MUC6: variants seen among roughly 807,000 people sequenced by gnomAD.
MUC6 encodes mucin-6.
A neutral mutation model predicts 201.5 loss-of-function variants in MUC6; 188 were observed. That is an observed-to-expected ratio of 0.93 (90% CI 0.83 to 1.05). MUC6 has a LOEUF of 1.05. MUC6 is among the 50% of genes least tolerant of loss of function. The pLI is 0.00. For synonymous variants in MUC6, 1,228 were observed against 1,389.4 expected (o/e 0.88, Z 2.58); for missense variants, 2,706 against 3,256.9 (o/e 0.83, Z 4.12).
At chr11:1,015,740 G>A (rs1409381949) in intron 31 of MUC6, 22 bp downstream of exon 31, 2 of 1,523,738 alleles carry the variant, frequency 1.3e-6, no homozygotes, top group East Asian at 2.3e-5. Context: ...GCCAGGAGAA[G>A]GGCCACAGAG....
Position 1,031,675 on chromosome 11 carries a change from C to G in MUC6, c.415G>C (p.Val139Leu). Residue 139 changes from valine (V) to leucine (L), a missense_variant, in exon 4 of 33, where the codon GTG becomes CTG. By Grantham distance (32) the Val-to-Leu change is conservative. This residue lies in a region of MUC6 where 1,850 missense variants were observed against 1,958.3 expected (regional missense o/e 0.94). Transcript: ENST00000421673. ...TCCAGCTGCTTGGCCACCAGCCGCA[C>G]GCTCTGGCCGAAGGGTGTGATCTGG... ...GLQITPFGQS[V>L]RLVAKQLELE... The G allele has an allele frequency of 2.6e-6, 4 of 1,550,890 alleles. No homozygotes were observed. Among genetic ancestry groups the G allele is most frequent in the Non-Finnish European group, 2.6e-6 (3 of 1,147,030 alleles).
At position 1,013,628 on chromosome 11, in the gene MUC6, T is replaced by A. The variant is rs1209499092; in HGVS notation, c.7148A>T (p.Asn2383Ile). ...GGCATCCACCTGCTGGGTGATGATG[T>A]TGAAGCTGCCGAGAAGTCAAGACAG... ...EGACISAASF[N>I]IITQQVDARC... Residue 2383 changes from asparagine to isoleucine, a missense_variant, in exon 33 of 33, where the codon AAC (asparagine) becomes ATC (isoleucine). Transcript: ENST00000421673. The A allele has an allele frequency of 2.6e-5, 41 of 1,560,836 alleles. No homozygotes were observed. The highest frequency in any genetic ancestry group is 3.4e-5 in the Non-Finnish European group (39 of 1,153,726).
At position 1,029,321 on chromosome 11, in the gene MUC6, G is replaced by T. The variant is rs762323701; in HGVS notation, c.1182C>A (p.Pro394=). ...AGCCACCTTCCAGGGAGCAGTGTCC[G>T]GGGCACGGCCGCTCCGTGCACACCC... ...GRWVCTERPC[P]GHCSLEGGSF... is the part of the protein sequence containing the mutation. The change falls in exon 10 of 33, where the codon CCC becomes CCA. Residue 394 remains proline (P), a synonymous_variant. Coordinates refer to ENST00000421673, the MANE Select transcript of MUC6 (RefSeq NM_005961.3). 6.2e-7 allele frequency: 1 copy of T among 1,605,140 alleles called. No homozygotes were observed.
chr11:1,022,551 C>T (rs1280910050), intron 26 of MUC6, among the ~76,000 whole-genome samples: 1 of 152,230 alleles, frequency 6.6e-6, no homozygotes. Flanking sequence ...AAGCCTGTGG[C>T]TCTCCCACCC....
At chr11:1,026,577 C>T in intron 19 of MUC6, 99 bp from the exon 20 acceptor site, 2 of 1,330,238 alleles carry the variant, frequency 1.5e-6, no homozygotes, top group African/African-American at 1.5e-5. Flanking sequence ...TCTCCCAGGT[C>T]CTCTCCCTGA....
chr11:1,018,856 C>T, intron 30 of MUC6, 86 bp from the exon 31 acceptor site: 1 of 1,481,158 alleles, frequency 6.8e-7, no homozygotes, highest in South Asian at 1.4e-5. Flanking sequence ...TCTATGTGAC[C>T]TTTTTCTTGC....
chr11:1,025,827 C>T lies in MUC6; in HGVS notation c.2777G>A (p.Arg926Gln), dbSNP rs371946928. 15 of 1,612,480 alleles carry T rather than the reference C, an allele frequency of 9.3e-6. No homozygotes were observed. The highest frequency in any genetic ancestry group is 1.3e-5 in the Non-Finnish European group (15 of 1,179,724). ...CACCCCCAGGAAGATCTTGATGGCC[C>T]GTGAGCATGTGACCCCGGAGTTCCC... ...ICGNSGVTCSRAIKIFLGGLS... is the reference protein window; with the variant it reads ...ICGNSGVTCSQAIKIFLGGLS... The change falls in exon 22 of 33, where the codon CGG (arginine) becomes CAG (glutamine). Residue 926 changes from arginine to glutamine, a missense_variant. By Grantham distance (43) the Arg-to-Gln change is conservative. Around this residue, in one of 10 missense-constraint regions of MUC6, gnomAD observed 1,850 missense variants for 1,958.3 expected, o/e 0.94. Coordinates refer to ENST00000421673, the MANE Select transcript of MUC6 (RefSeq NM_005961.3).
At chr11:1,027,076 A>G (rs758729528) in intron 18 of MUC6, 26 bp from the exon 19 acceptor site, 1 of 1,607,456 alleles carries the variant, frequency 6.2e-7, no homozygotes, top group South Asian at 1.1e-5. Flanking sequence ...GTGCGCGGTC[A>G]GGACACTCAG....
Position 1,030,193 on chromosome 11 carries a change from G to C in MUC6, c.1015+20C>G. Reference sequence around the variant, plus strand: ...TCTCTAGGGGTCCCGGGGAGAGAGAGTGCCTGCGACTGCCCTCACCTTCCG... The same window carrying C: ...TCTCTAGGGGTCCCGGGGAGAGAGACTGCCTGCGACTGCCCTCACCTTCCG... On this transcript the variant is annotated intron_variant, in intron 8 of 32. Coordinates refer to ENST00000421673, the MANE Select transcript of MUC6 (RefSeq NM_005961.3). 1 of 1,548,834 alleles carries C rather than the reference G, an allele frequency of 6.5e-7. No individual in the cohort carries two copies. The highest frequency in any genetic ancestry group is 8.7e-7 in the Non-Finnish European group (1 of 1,147,622).
chr11:1,024,756 A>C, intron 24 of MUC6, 88 bp downstream of exon 24: 61 of 1,503,306 alleles, frequency 4.1e-5, no homozygotes, highest in Non-Finnish European at 4.7e-5. Flanking sequence ...ACGGAGGGAG[A>C]ACCGTGCCTG....
At position 1,031,742 on chromosome 11, in the gene MUC6, C is replaced by T. The variant is rs369724299; in HGVS notation, c.357-9G>A. 7.8e-4 allele frequency: 1,211 copies of T among 1,549,928 alleles called. 1 individual carries two copies. Among genetic ancestry groups the T allele is most frequent in the Middle Eastern group, 1.0e-3 (6 of 5,988 alleles). On this transcript the variant is annotated splice_polypyrimidine_tract_variant and intron_variant, in intron 3 of 32. Transcript: ENST00000421673. ...AGGGCAGGCTGATGACCCTGTGGGG[C>T]AAGGGAAGTCGGTGGTCGATCCTCA...
In MUC6 at chr11:1,023,886, G is replaced by A. The variant is rs1564839479; in HGVS notation, c.3382+61C>T. On this transcript the variant is annotated intron_variant, in intron 25 of 32. Coordinates refer to ENST00000421673, the MANE Select transcript of MUC6 (RefSeq NM_005961.3). ...CTGTGGGCAAGGGCAGCCCTGCGCCGGCCCTTAGTGGCGCTGGGTGGCAGG... is the reference window on the plus strand; with the variant it reads ...CTGTGGGCAAGGGCAGCCCTGCGCCAGCCCTTAGTGGCGCTGGGTGGCAGG... The A allele has an allele frequency of 1.5e-5, 23 of 1,575,558 alleles. 1 individual carries two copies. The Admixed American group carries it at 2.0e-4, about 14-fold the overall frequency.
At position 1,028,531 on chromosome 11, in the gene MUC6, G is replaced by T. The variant is rs578071315; in HGVS notation, c.1591+115C>A. The T allele has an allele frequency of 7.1e-5, 109 of 1,534,764 alleles. 2 individuals are homozygous for T. The African/African-American group carries it at 7.7e-4, about 11-fold the overall frequency. On this transcript the variant is annotated intron_variant, in intron 13 of 32. Transcript: ENST00000421673. ...CCACACGTGCCTGTTACCCCTGGGGGCTCCCCGGACACAGAGGGTTGTGTG... is the reference window on the plus strand; with the variant it reads ...CCACACGTGCCTGTTACCCCTGGGGTCTCCCCGGACACAGAGGGTTGTGTG...
In MUC6 at chr11:1,028,941, C is replaced by T. The variant is rs1440222660; in HGVS notation, c.1401G>A (p.Gln467=). ...LSRQDKIVIS[Q]DEVVTNNGEA... The stretch of plus-strand genomic sequence containing the variant: ...CTCCGTTGTTGGTGACCACCTCGTC[C>T]TGAGAGATCACAATTTTGTCCTGGA... The change falls in exon 12 of 33, where the codon CAG becomes CAA. Residue 467 remains glutamine (Q), a synonymous_variant. Transcript: ENST00000421673. 1 of 1,613,106 alleles carries T rather than the reference C, an allele frequency of 6.2e-7. No individual in the cohort carries two copies.
chr11:1,032,678 T>C (rs1278729378), intron 2 of MUC6, among the ~76,000 whole-genome samples: 2 of 151,166 alleles, frequency 1.3e-5, no homozygotes, highest in South Asian at 4.2e-4. Flanking sequence ...TGGGTGTGTG[T>C]GCATGTGTTT....
Position 1,036,584 on chromosome 11 carries a change from C to A in MUC6, c.52+20G>T. 1.9e-6 allele frequency: 3 copies of A among 1,548,696 alleles called. No individual in the cohort carries two copies. The highest frequency in any genetic ancestry group is 2.6e-6 in the Non-Finnish European group (3 of 1,146,212). On this transcript the variant is annotated intron_variant, in intron 1 of 32. Coordinates refer to ENST00000421673, the MANE Select transcript of MUC6 (RefSeq NM_005961.3). ...CCTCTGAGGGCACCGCAGTGTCTGG[C>A]GCCCCTCGACCTCACTCACCAGCGC...
chr11:1,025,627 G>A (rs565245648), intron 22 of MUC6, among the ~76,000 whole-genome samples, 178 bp downstream of exon 22: 1 of 152,296 alleles, frequency 6.6e-6, no homozygotes, highest in South Asian at 2.1e-4. Flanking sequence ...TGGGGCACAA[G>A]CACCCGTGGT....
At chr11:1,034,597 G>A (rs1021130636) in intron 1 of MUC6, among the ~76,000 whole-genome samples, 1 of 151,766 alleles carries the variant, frequency 6.6e-6, no homozygotes, top group African/African-American at 2.4e-5. Flanking sequence ...AGCTCTGAGC[G>A]GGAGGAGCAG....
intron 2 of MUC6, among the ~76,000 whole-genome samples, chr11:1,032,428 T>G (rs1857129156): frequency 6.6e-6 from 1 of 151,440 alleles, no homozygotes; most frequent in Non-Finnish European, 1.5e-5. Flanking sequence ...GTGTGTTGGG[T>G]GTGTGTGATT....
Sources: gnomAD v4.1 joint callset for allele counts (sites outside exome capture counted in the v4.1 genomes callset) on GRCh38, gnomAD v4.1.1 for gene constraint, gnomAD v4.1.1 regional missense constraint, MANE v1.5 for transcripts, NCBI Gene and HGNC (gene_info 2026-07-23, HGNC 2026-07-21) for gene names.